The following DTWD2 variants were observed in gnomAD, a reference collection of about 807,000 sequenced individuals.
DTWD2 encodes the protein DTW motif tRNA-uridine aminocarboxypropyltransferase 2, also known as tRNA-uridine aminocarboxypropyltransferase 2.
Under a neutral mutation model 31.8 loss-of-function variants are expected in DTWD2, and 39 were observed. The ratio of observed to expected loss-of-function variants is 1.22; its 90% CI spans 0.95 to 1.60. The LOEUF is 1.60. DTWD2 is among the 40% of genes most tolerant of loss of function. The pLI is 0.00. For synonymous variants in DTWD2, 180 were observed against 142.8 expected, an observed-to-expected ratio of 1.26 and a Z score of -1.86; for missense variants, 515 against 381.5, an observed-to-expected ratio of 1.35 and a Z score of -2.92.
chr5:118,848,511 T>C (rs982368545), intron 4 of DTWD2, among the ~76,000 whole-genome samples: 8 of 151,988 alleles, frequency 5.3e-5, no homozygotes, highest in African/African-American at 1.7e-4. Flanking sequence ...GAATGGCAAA[T>C]AGGTACACAA....
At chr5:118,916,920 T>C (rs1753592484) in intron 4 of DTWD2, among the ~76,000 whole-genome samples, 1 of 152,180 alleles carries the variant, frequency 6.6e-6, no homozygotes, top group African/African-American at 2.4e-5. Context: ...TGCTTTTTTT[T>C]CTGACCCCAT....
At chr5:118,935,002 C>G (rs996977746) in intron 3 of DTWD2, among the ~76,000 whole-genome samples, 1 of 152,112 alleles carries the variant, frequency 6.6e-6, no homozygotes, top group Non-Finnish European at 1.5e-5. Flanking sequence ...TGACTGACAG[C>G]TCCAGGGTGG....
rs139275795 is a variant in DTWD2 at position 118,853,697 on chromosome 5, G to C, written c.598-5479C>G. Among the ~76,000 whole-genome samples, 213 of 152,234 alleles carry C rather than the reference G, an allele frequency of 1.4e-3. 1 individual carries two copies. The highest frequency in any genetic ancestry group is 3.9e-3 in the South Asian group (19 of 4,828). ...CCCTTATAATTGGGAGCTAAACAATGGGTACACACAGAAATAAAGATAGGA... is the reference window on the plus strand; with the variant it reads ...CCCTTATAATTGGGAGCTAAACAATCGGTACACACAGAAATAAAGATAGGA... On this transcript the variant is annotated intron_variant, in intron 4 of 5. Transcript: ENST00000510708.
intron 4 of DTWD2, among the ~76,000 whole-genome samples, chr5:118,920,828 C>G (rs912352301): frequency 1.1e-4 from 16 of 151,974 alleles, no homozygotes; most frequent in African/African-American, 3.9e-4. Flanking sequence ...AAATGGGGAG[C>G]GTTCTTTGTT....
rs78222859 is a variant in DTWD2, at chr5:118,858,094, T to C, written c.598-9876A>G. 5.4e-3 allele frequency among the ~76,000 whole-genome samples: 821 copies of C among 152,282 alleles called. 2 individuals are homozygous for C. The highest frequency in any genetic ancestry group is 8.9e-3 in the Non-Finnish European group (605 of 68,018). On this transcript the variant is annotated intron_variant, in intron 4 of 5. Coordinates refer to ENST00000510708, the MANE Select transcript of DTWD2 (RefSeq NM_173666.4). ...CCATGTGGGAGCAATAAGCTTATTG[T>C]TATAATGCTACTAAGATTTTGTGGT...
chr5:118,954,269 T>C (rs1446006037), intron 1 of DTWD2, among the ~76,000 whole-genome samples: 1 of 152,112 alleles, frequency 6.6e-6, no homozygotes, highest in Non-Finnish European at 1.5e-5. Flanking sequence ...AGAAAAACCC[T>C]AGCAATGAAT....
intron 4 of DTWD2, among the ~76,000 whole-genome samples, chr5:118,895,853 T>C (rs536521802): frequency 5.1e-4 from 77 of 152,286 alleles, no homozygotes; most frequent in Admixed American, 1.8e-3. Context: ...TTTTTCACTA[T>C]ACTACCAAGC....
chr5:118,894,937 T>C (rs1483023776), intron 4 of DTWD2, among the ~76,000 whole-genome samples: 3 of 151,988 alleles, frequency 2.0e-5, no homozygotes, highest in Non-Finnish European at 2.9e-5. Flanking sequence ...GCCTTTCCAG[T>C]AAGAACTGGA....
intron 4 of DTWD2, among the ~76,000 whole-genome samples, chr5:118,857,839 GA>G: frequency 6.6e-6 from 1 of 152,196 alleles, no homozygotes; most frequent in Non-Finnish European, 1.5e-5. Context: ...CTGTAGCAGA[GA>G]ATAGGTAGCT....
intron 4 of DTWD2, among the ~76,000 whole-genome samples, chr5:118,888,031 A>G (rs1752904033): frequency 6.6e-6 from 1 of 151,576 alleles, no homozygotes. Context: ...GCTGGGGACT[A>G]TTCCTGATCT....
rs1490085691 is a variant in DTWD2 at position 118,840,900 on chromosome 5, C to T, written c.*17G>A. 3.1e-6 allele frequency: 5 copies of T among 1,608,548 alleles called. No homozygotes were observed. In the South Asian group the frequency reaches 3.3e-5, roughly 11 times the overall value. ...TTAGATGAAGACAGTTAAGCTAGCA[C>T]CAAAAGAATAACTGTACTAAATTTT... On this transcript the variant is annotated 3_prime_UTR_variant, in exon 6 of 6. Transcript: ENST00000510708.
At chr5:118,964,687 C>T (rs1754788995) in intron 1 of DTWD2, among the ~76,000 whole-genome samples, 1 of 152,262 alleles carries the variant, frequency 6.6e-6, no homozygotes. Flanking sequence ...AATGATCTGC[C>T]AGCCTCGGCC....
At chr5:118,893,705 G>GA (rs1307028561) in intron 4 of DTWD2, among the ~76,000 whole-genome samples, 2 of 152,014 alleles carry the variant, frequency 1.3e-5, no homozygotes, top group African/African-American at 4.8e-5. Context: ...AGAGGAGACT[G>GA]AAAAAGGAGG....
intron 5 of DTWD2, among the ~76,000 whole-genome samples, chr5:118,847,143 T>C (rs1751877019): frequency 6.6e-6 from 1 of 152,158 alleles, no homozygotes; most frequent in Non-Finnish European, 1.5e-5. Flanking sequence ...TGGTAGCTAA[T>C]ACATTTACTC....
chr5:118,910,664 T>A lies in DTWD2; in HGVS notation c.597+17873A>T, dbSNP rs80130599. ...TCCGAACCTGCCTCCACATTTTTAG[T>A]TATTTGTTACAACAGCACCCCACTT... is the stretch of plus-strand genomic sequence containing the variant. On this transcript the variant is annotated intron_variant, in intron 4 of 5. Transcript: ENST00000510708. Among the ~76,000 whole-genome samples, 1,473 of 152,314 alleles carry A rather than the reference T, an allele frequency of 9.7e-3. 22 individuals are homozygous for A. Among genetic ancestry groups the A allele is most frequent in the African/African-American group, 0.034 (1,424 of 41,548 alleles).
chr5:118,893,752 T>C (rs1394625098), intron 4 of DTWD2, among the ~76,000 whole-genome samples: 1 of 151,844 alleles, frequency 6.6e-6, no homozygotes, highest in Non-Finnish European at 1.5e-5. Flanking sequence ...CATTGCTGGC[T>C]TTAAAAATGA....
rs1246131143 is a variant in DTWD2, at chr5:118,911,126, ACT to A, written c.597+17409_597+17410del. 3.3e-5 allele frequency among the ~76,000 whole-genome samples: 5 copies of A among 152,114 alleles called. No homozygotes were observed. The South Asian group carries it at 8.3e-4, about 25-fold the overall frequency. On this transcript the variant is annotated intron_variant, in intron 4 of 5. Coordinates refer to ENST00000510708, the MANE Select transcript of DTWD2 (RefSeq NM_173666.4). Reference sequence around the variant, plus strand: ...GAACTTATATAACTCAATAGCAAAAACTCAACCCAATTAATAAATCAGCAAAT... The same window carrying A: ...GAACTTATATAACTCAATAGCAAAAACAACCCAATTAATAAATCAGCAAAT...
Position 118,851,824 on chromosome 5 carries a change from A to T in DTWD2, c.598-3606T>A, listed in dbSNP as rs187177941. Among the ~76,000 whole-genome samples, 117 of 149,170 alleles carry T rather than the reference A, an allele frequency of 7.8e-4. 1 individual carries two copies. The highest frequency in any genetic ancestry group is 2.6e-3 in the African/African-American group (102 of 39,282). On this transcript the variant is annotated intron_variant, in intron 4 of 5. Transcript: ENST00000510708. ...CTGCACATTGTGCACATGTACCCTA[A>T]AACTTAAAGTATAATAAAAAAAAAA...
At chr5:118,941,335 C>T (rs1055093216) in intron 2 of DTWD2, among the ~76,000 whole-genome samples, 4 of 152,164 alleles carry the variant, frequency 2.6e-5, no homozygotes, top group Admixed American at 2.6e-4. Context: ...ACACCCCTCA[C>T]CCTACAACAG....
Sources: gnomAD v4.1 joint callset for allele counts (sites outside exome capture counted in the v4.1 genomes callset) on GRCh38, gnomAD v4.1.1 for gene constraint, MANE v1.5 for transcripts, NCBI Gene and HGNC (gene_info 2026-07-23, HGNC 2026-07-21) for gene names.